The following COL6A3 variants were observed in gnomAD, a reference collection of about 807,000 sequenced individuals.
COL6A3 encodes collagen alpha-3(VI) chain.
In COL6A3, 137 loss-of-function variants were observed where a neutral mutation model predicts 274.1. That is an observed-to-expected ratio of 0.50 (90% CI 0.44 to 0.58). The LOEUF is 0.58. Ranked by LOEUF, COL6A3 falls within the 20% of genes least tolerant of loss-of-function variation. COL6A3 has a pLI of 0.00. For synonymous variants in COL6A3, 1,650 were observed against 1,650.6 expected (o/e 1.00, Z 0.01); for missense variants, 3,950 against 4,124.9 (o/e 0.96, Z 1.16).
intron 31 of COL6A3, among the ~76,000 whole-genome samples, chr2:237,347,141 G>A (rs963643436): frequency 6.6e-6 from 1 of 152,004 alleles, no homozygotes; most frequent in Non-Finnish European, 1.5e-5. Context: ...CAGGTGTGGT[G>A]TCTCATGCAT....
chr2:237,356,066 G>C (rs1343333509), intron 23 of COL6A3, among the ~76,000 whole-genome samples: 1 of 152,190 alleles, frequency 6.6e-6, no homozygotes, highest in South Asian at 2.1e-4. Flanking sequence ...GGGATAGCAG[G>C]CCATTAGACC....
intron 39 of COL6A3, among the ~76,000 whole-genome samples, chr2:237,337,449 A>G (rs769999917): frequency 5.3e-5 from 8 of 152,218 alleles, no homozygotes; most frequent in Non-Finnish European, 5.9e-5. Flanking sequence ...CTGAGATTTA[A>G]AGCCACTCCT....
intron 1 of COL6A3, among the ~76,000 whole-genome samples, chr2:237,402,395 A>G (rs1057110882): frequency 1.3e-5 from 2 of 152,192 alleles, no homozygotes; most frequent in Admixed American, 6.5e-5. Context: ...TTTTACCACA[A>G]TTAAAATAGA....
chr2:237,357,805 GCAGCACCTTACCATGGGGCCGAGGT>G lies in COL6A3; in HGVS notation c.6524_6537+11del. On this transcript the variant is annotated splice_donor_variant and splice_donor_5th_base_variant and coding_sequence_variant and intron_variant, in exon 22 of 44. Transcript: ENST00000295550. LOFTEE classifies it high-confidence loss of function. The stretch of plus-strand genomic sequence containing the variant: ...CAGTACAGGGAGAGTCTAGGAATGT[GCAGCACCTTACCATGGGGCCGAGGT>G]CACCGGTTTCTCCTTTGGGTCCTCT... 1 of 1,613,658 alleles carries G rather than the reference GCAGCACCTTACCATGGGGCCGAGGT, an allele frequency of 6.2e-7. No homozygotes were observed. Among genetic ancestry groups the G allele is most frequent in the Non-Finnish European group, 8.5e-7 (1 of 1,179,620 alleles).
chr2:237,345,343 T>TC (rs1281823040), intron 32 of COL6A3, 130 bp from the exon 33 acceptor site: 3 of 831,920 alleles, frequency 3.6e-6, no homozygotes, highest in Non-Finnish European at 4.1e-6. Context: ...TTACAGCCTC[T>TC]CCCTCTAAAC....
chr2:237,325,456 T>C, intron 43 of COL6A3, 104 bp downstream of exon 43: 1 of 1,256,366 alleles, frequency 8.0e-7, no homozygotes, highest in Non-Finnish European at 1.2e-6. Flanking sequence ...TATCTTCTTT[T>C]TCACATGTAT....
At chr2:237,373,469 C>T (rs2077746538) in intron 8 of COL6A3, among the ~76,000 whole-genome samples, 1 of 152,228 alleles carries the variant, frequency 6.6e-6, no homozygotes, top group South Asian at 2.1e-4. Flanking sequence ...GTGGGCCACA[C>T]TGCTCTCTTC....
Position 237,365,728 on chromosome 2 carries a change from C to T in COL6A3, c.5808G>A (p.Lys1936=), listed in dbSNP as rs777056507. 1.9e-6 allele frequency: 3 copies of T among 1,614,206 alleles called. No individual in the cohort carries two copies. Among genetic ancestry groups the T allele is most frequent in the East Asian group, 2.2e-5 (1 of 44,864 alleles). ...TEDTLKVYLN[K]FRQSSPDSVK... ...CGCTGTCCGGCGAGGACTGTCTGAA[C>T]TTGTTCAGGTAGACCTTCAGGGTGT... The change falls in exon 12 of 44, where the codon AAG becomes AAA. Residue 1936 remains lysine, a synonymous_variant. Coordinates refer to ENST00000295550, the MANE Select transcript of COL6A3 (RefSeq NM_004369.4).
intron 24 of COL6A3, 81 bp from the exon 25 acceptor site, chr2:237,353,484 G>T (rs1213215442): frequency 1.5e-6 from 2 of 1,294,548 alleles, no homozygotes; most frequent in South Asian, 1.2e-5. Flanking sequence ...TCATTTCTGG[G>T]CCAGGGACTT....
At chr2:237,375,348 G>C (rs1465389953) in intron 7 of COL6A3, among the ~76,000 whole-genome samples, 3 of 152,128 alleles carry the variant, frequency 2.0e-5, no homozygotes, top group African/African-American at 7.2e-5. Flanking sequence ...GGAGGATGGG[G>C]CCAGGAGGCA....
At position 237,366,690 on chromosome 2, in the gene COL6A3, T is replaced by C; in HGVS notation, c.5497A>G (p.Lys1833Glu). 2 of 1,614,248 alleles carry C rather than the reference T, an allele frequency of 1.2e-6. No individual in the cohort carries two copies. The highest frequency in any genetic ancestry group is 1.7e-6 in the Non-Finnish European group (2 of 1,180,048). Residue 1833 changes from lysine to glutamate, a missense_variant, in exon 11 of 44, where the codon AAA (lysine) becomes GAA (glutamate). Lys to Glu is a moderately conservative substitution (Grantham distance 56). Transcript: ENST00000295550. Reference protein sequence around the residue: ...TLCPGVTDAAKACNLDVILGF... With the variant: ...TLCPGVTDAAEACNLDVILGF... ...ATATGCACATAATGGGAGTTACCTTTGGCAGCATCAGTTACACCAGGGCAA... is the reference window on the plus strand; with the variant it reads ...ATATGCACATAATGGGAGTTACCTTCGGCAGCATCAGTTACACCAGGGCAA...
chr2:237,380,227 G>A (rs74426544), intron 5 of COL6A3, among the ~76,000 whole-genome samples: 1,850 of 152,310 alleles, frequency 0.012, 66 homozygotes, highest in Admixed American at 0.059. Flanking sequence ...TCTAGTGATC[G>A]AGTCTGCAAG....
At chr2:237,354,521 G>A (rs762835407) in intron 24 of COL6A3, among the ~76,000 whole-genome samples, 1 of 152,118 alleles carries the variant, frequency 6.6e-6, no homozygotes, top group Non-Finnish European at 1.5e-5. Flanking sequence ...TTCAGTGAAA[G>A]GCTAATCAGA....
Position 237,378,622 on chromosome 2 carries a change from C to G in COL6A3, c.2497+14G>C. The G allele has an allele frequency of 5.6e-6, 9 of 1,612,280 alleles. No homozygotes were observed. The highest frequency in any genetic ancestry group is 7.6e-6 in the Non-Finnish European group (9 of 1,180,002). On this transcript the variant is annotated intron_variant, in intron 6 of 43. Transcript: ENST00000295550. ...AGGAAGGAGAGGGAGTTCCCGGCAA[C>G]AGGGGAGGTTTACCTGGCTGAGCGA...
chr2:237,324,821 G>A lies in COL6A3; in HGVS notation c.9494-7C>T, dbSNP rs374024399. Reference sequence around the variant, plus strand: ...ACTCCGGGTTTGGCGAGCACTGAGCGTCGAGAGAGGGGGTGGGTGGGGTGA... The same window carrying A: ...ACTCCGGGTTTGGCGAGCACTGAGCATCGAGAGAGGGGGTGGGTGGGGTGA... On this transcript the variant is annotated splice_region_variant and splice_polypyrimidine_tract_variant and intron_variant, in intron 43 of 43. Coordinates refer to ENST00000295550, the MANE Select transcript of COL6A3 (RefSeq NM_004369.4). 3.6e-5 allele frequency: 58 copies of A among 1,613,054 alleles called. No individual in the cohort carries two copies. In the African/African-American group the frequency reaches 6.0e-4, roughly 17 times the overall value.
At position 237,367,397 on chromosome 2, in the gene COL6A3, TCA is replaced by T. The variant is rs112061651; in HGVS notation, c.4901-113_4901-112del. The T allele has an allele frequency of 1.1e-3, 1,473 of 1,336,686 alleles. 5 individuals are homozygous for T. In the African/African-American group the frequency reaches 0.012, roughly 11 times the overall value. 82.8% of individuals were successfully genotyped at this position (1,336,686 alleles called of 1,614,324 possible). A position where few individuals can be genotyped will look rare whatever the true frequency, so the allele number is the denominator to read the frequency against. ...AAATAAGACATTCCTAATAATTTATTCACAGTGAAACCTTCACTCAAATCCAT... is the reference window on the plus strand; with the variant it reads ...AAATAAGACATTCCTAATAATTTATTCAGTGAAACCTTCACTCAAATCCAT... On this transcript the variant is annotated intron_variant, in intron 10 of 43. Transcript: ENST00000295550.
chr2:237,359,877 A>G (rs2077396811), intron 17 of COL6A3, among the ~76,000 whole-genome samples: 1 of 152,178 alleles, frequency 6.6e-6, no homozygotes, highest in African/African-American at 2.4e-5. Context: ...TTCCACAGGA[A>G]ACTATTTCTC....
chr2:237,359,858 T>C (rs966982853), intron 17 of COL6A3, among the ~76,000 whole-genome samples: 5 of 152,144 alleles, frequency 3.3e-5, no homozygotes, highest in Non-Finnish European at 5.9e-5. Flanking sequence ...TTTCCTGGCT[T>C]CTTCATGTTT....
Position 237,387,614 on chromosome 2 carries a change from A to C in COL6A3, c.1280T>G (p.Ile427Ser), listed in dbSNP as rs1218358709. 1 of 1,613,970 alleles carries C rather than the reference A, an allele frequency of 6.2e-7. No homozygotes were observed. The highest frequency in any genetic ancestry group is 1.1e-5 in the South Asian group (1 of 90,966). The change falls in exon 4 of 44, where the codon ATT (isoleucine) becomes AGT (serine). Residue 427 changes from isoleucine to serine, a missense_variant. This residue lies in a region of COL6A3 where 1,934 missense variants were observed against 1,984.3 expected (regional missense o/e 0.97). Coordinates refer to ENST00000295550, the MANE Select transcript of COL6A3 (RefSeq NM_004369.4). ...GACAATGGTTGGCGGTTTCAAGACA[A>C]TGTGCCTTTGGGCCACGCCAACAAT... ...PYIVGVAQRH[I>S]VLKPPTIVTQ...
Sources: allele counts gnomAD v4.1 joint callset (sites outside exome capture counted in the v4.1 genomes callset), GRCh38; gene constraint gnomAD v4.1.1; regional missense constraint gnomAD v4.1.1; transcripts MANE v1.5; gene names NCBI Gene and HGNC (gene_info 2026-07-23, HGNC 2026-07-21).